CSMD1: variants seen among roughly 807,000 people sequenced by gnomAD.
CSMD1 encodes the protein CUB and sushi domain-containing protein 1.
Under a neutral mutation model 417.5 loss-of-function variants are expected in CSMD1, and 213 were observed. The observed-to-expected ratio is 0.51, with a 90% CI of 0.46 to 0.57. CSMD1 has a LOEUF of 0.57. Ranked by LOEUF, CSMD1 falls within the 20% of genes least tolerant of loss-of-function variation. CSMD1 has a pLI of 0.00. For synonymous variants in CSMD1, 2,862 were observed against 1,736.8 expected, an observed-to-expected ratio of 1.65 and a Z score of -16.11; for missense variants, 6,923 against 4,529.7, an observed-to-expected ratio of 1.53 and a Z score of -15.17.
intron 1 of CSMD1, among the ~76,000 whole-genome samples, chr8:4,980,443 G>C (rs1810826112): frequency 6.6e-6 from 1 of 152,196 alleles, no homozygotes; most frequent in Admixed American, 6.5e-5. Flanking sequence ...AGTTTGTCAG[G>C]CGAGGAGGCT....
At chr8:4,563,929 C>T (rs1456696016) in intron 2 of CSMD1, among the ~76,000 whole-genome samples, 1 of 152,132 alleles carries the variant, frequency 6.6e-6, no homozygotes, top group East Asian at 1.9e-4. Context: ...CACAGTTCCA[C>T]AGAATAAATT....
intron 25 of CSMD1, among the ~76,000 whole-genome samples, chr8:3,301,729 G>A (rs1584957756): frequency 1.3e-5 from 2 of 152,234 alleles, no homozygotes; most frequent in East Asian, 3.9e-4. Flanking sequence ...ATTCTAGAGG[G>A]TATTATGGTT....
chr8:3,269,044 CT>C (rs1801644810), intron 26 of CSMD1, among the ~76,000 whole-genome samples: 1 of 152,204 alleles, frequency 6.6e-6, no homozygotes, highest in African/African-American at 2.4e-5. Flanking sequence ...TGTAATCAAT[CT>C]CGCTAATGTT....
chr8:3,274,514 A>T (rs368233451), intron 26 of CSMD1, among the ~76,000 whole-genome samples: 5 of 152,090 alleles, frequency 3.3e-5, no homozygotes, highest in East Asian at 3.9e-4. Flanking sequence ...ATCTGTCTAA[A>T]GTTGACAGTG....
At chr8:3,850,127 T>C (rs752230750) in intron 5 of CSMD1, among the ~76,000 whole-genome samples, 2 of 152,248 alleles carry the variant, frequency 1.3e-5, no homozygotes, top group Non-Finnish European at 2.9e-5. Flanking sequence ...ATTTGGGCGA[T>C]GTCGCCATTC....
intron 9 of CSMD1, among the ~76,000 whole-genome samples, chr8:3,578,238 A>G (rs1318937925): frequency 6.6e-6 from 1 of 152,174 alleles, no homozygotes; most frequent in Non-Finnish European, 1.5e-5. Flanking sequence ...AGAGTTAGAG[A>G]AGAAAATGGG....
At chr8:4,747,628 C>T (rs1811041770) in intron 1 of CSMD1, among the ~76,000 whole-genome samples, 1 of 152,172 alleles carries the variant, frequency 6.6e-6, no homozygotes, top group Admixed American at 6.5e-5. Context: ...GAGTTAGCAT[C>T]ATTATCAACC....
chr8:3,719,503 G>C (rs141859621), intron 6 of CSMD1, among the ~76,000 whole-genome samples: 1 of 152,140 alleles, frequency 6.6e-6, no homozygotes, highest in African/African-American at 2.4e-5. Flanking sequence ...ATTTTCCCTG[G>C]ACCATTCATT....
intron 1 of CSMD1, among the ~76,000 whole-genome samples, chr8:4,950,675 T>G (rs1448400788): frequency 6.6e-6 from 1 of 152,220 alleles, no homozygotes; most frequent in East Asian, 1.9e-4. Context: ...GAAAAAGAAT[T>G]CAGAGTTTAC....
chr8:3,428,534 C>T (rs746744896), intron 12 of CSMD1, among the ~76,000 whole-genome samples: 2 of 152,038 alleles, frequency 1.3e-5, no homozygotes. Context: ...TCATAGCAAC[C>T]CTTAAAAGAC....
chr8:3,677,583 C>T lies in CSMD1; in HGVS notation c.1009+30831G>A, dbSNP rs1423905468. Among the ~76,000 whole-genome samples, 9 of 152,212 alleles carry T rather than the reference C, an allele frequency of 5.9e-5. No individual in the cohort carries two copies. The East Asian group carries it at 7.8e-4, about 13-fold the overall frequency. The stretch of plus-strand genomic sequence containing the variant: ...AGGGTTTGGAGATGTCTTAGATTCA[C>T]GAAAGCCTAAGATTGGCCCTCTGAG... On this transcript the variant is annotated intron_variant, in intron 7 of 69. Transcript: ENST00000635120.
At chr8:4,174,161 C>T (rs924144069) in intron 3 of CSMD1, among the ~76,000 whole-genome samples, 1 of 152,056 alleles carries the variant, frequency 6.6e-6, no homozygotes, top group Non-Finnish European at 1.5e-5. Flanking sequence ...TCGTGGCTGC[C>T]CCTAGAGGAG....
In CSMD1 at chr8:4,039,753, G is replaced by C. The variant is rs372899034; in HGVS notation, c.416-7654C>G. On this transcript the variant is annotated intron_variant, in intron 3 of 69. Coordinates refer to ENST00000635120, the MANE Select transcript of CSMD1 (RefSeq NM_033225.6). ...CCAAATAAGAAAGATAAATTGATGTGGGGGAAGTCGTTGTGGCAAGCATTT... is the reference window on the plus strand; with the variant it reads ...CCAAATAAGAAAGATAAATTGATGTCGGGGAAGTCGTTGTGGCAAGCATTT... Among the ~76,000 whole-genome samples the C allele has an allele frequency of 4.6e-4, 70 of 152,264 alleles. No homozygotes were observed. In the East Asian group the frequency reaches 7.8e-3, roughly 17 times the overall value.
chr8:3,831,227 A>T (rs116404735), intron 5 of CSMD1, among the ~76,000 whole-genome samples: 4 of 151,780 alleles, frequency 2.6e-5, no homozygotes, highest in South Asian at 2.1e-4. Context: ...AAAGTTAAAT[A>T]AAAAAAACAA....
intron 3 of CSMD1, among the ~76,000 whole-genome samples, chr8:4,068,317 C>G (rs1213090869): frequency 6.6e-6 from 1 of 152,088 alleles, no homozygotes; most frequent in Non-Finnish European, 1.5e-5. Context: ...TGCGGGAGAG[C>G]TGTGAGGCCA....
intron 5 of CSMD1, among the ~76,000 whole-genome samples, chr8:3,956,816 T>C (rs1759904809): frequency 6.6e-6 from 1 of 152,140 alleles, no homozygotes; most frequent in African/African-American, 2.4e-5. Flanking sequence ...ACCCAGCCGT[T>C]ACGGAAGGAA....
intron 3 of CSMD1, among the ~76,000 whole-genome samples, chr8:4,373,717 T>C (rs1802541725): frequency 1.3e-5 from 2 of 152,366 alleles, no homozygotes; most frequent in South Asian, 4.1e-4. Context: ...TATACTGTCA[T>C]CTTTCCCTCC....
At chr8:4,110,882 T>C (rs1254445801) in intron 3 of CSMD1, among the ~76,000 whole-genome samples, 1 of 152,122 alleles carries the variant, frequency 6.6e-6, no homozygotes. Flanking sequence ...TGAAATATTA[T>C]TTTCTTATGT....
intron 10 of CSMD1, among the ~76,000 whole-genome samples, chr8:3,514,913 C>G (rs1330167732): frequency 6.6e-6 from 1 of 152,030 alleles, no homozygotes; most frequent in Non-Finnish European, 1.5e-5. Context: ...TATCTATATG[C>G]TAAAGGCTGC....
Sources: gnomAD v4.1 joint callset for allele counts (sites outside exome capture counted in the v4.1 genomes callset) on GRCh38, gnomAD v4.1.1 for gene constraint, MANE v1.5 for transcripts, NCBI Gene and HGNC (gene_info 2026-07-23, HGNC 2026-07-21) for gene names.